Variants in CPHXL2 observed in about 807,000 individuals in gnomAD.
CPHXL2 encodes cytoplasmic polyadenylated homeobox like 2, also known as cytoplasmic polyadenylated homeobox-like protein 2.
chr16:75,675,583 G>C, the CPHXL2 span, among the ~76,000 whole-genome samples: 44 of 152,102 alleles, frequency 2.9e-4, 1 homozygote, highest in Non-Finnish European at 8.8e-5. Flanking sequence ...ATCAAACAGT[G>C]GTGAGCCACT....
chr16:75,663,742 C>A, the CPHXL2 span, among the ~76,000 whole-genome samples: 6 of 151,880 alleles, frequency 4.0e-5, no homozygotes, highest in Admixed American at 1.3e-4. Context: ...AAAAATTAGC[C>A]GGGCATGGTG....
chr16:75,661,205 T>C, the CPHXL2 span: 29 of 400,832 alleles, frequency 7.2e-5, 1 homozygote, highest in African/African-American at 5.1e-4. Flanking sequence ...ATATTCTTTG[T>C]CTTTCTTCCG....
chr16:75,671,128 A>G, the CPHXL2 span, among the ~76,000 whole-genome samples: 1 of 152,314 alleles, frequency 6.6e-6, no homozygotes, highest in South Asian at 2.1e-4. Context: ...CACGCCTATA[A>G]TCCCAGCATT....
the CPHXL2 span, among the ~76,000 whole-genome samples, chr16:75,671,013 C>T: frequency 1.3e-5 from 2 of 152,180 alleles, no homozygotes; most frequent in South Asian, 4.1e-4. Flanking sequence ...CCCCTTGATT[C>T]ACTCCCTCAC....
At chr16:75,676,674 T>C in the CPHXL2 span, among the ~76,000 whole-genome samples, 2 of 152,236 alleles carry the variant, frequency 1.3e-5, no homozygotes, top group African/African-American at 2.4e-5. Context: ...CTTTGTCTGA[T>C]CTAGAACCCA....
At chr16:75,676,083 A>G in the CPHXL2 span, among the ~76,000 whole-genome samples, 1 of 152,004 alleles carries the variant, frequency 6.6e-6, no homozygotes, top group Non-Finnish European at 1.5e-5. Context: ...CCGTCTCCAA[A>G]AAAAAAAAGA....
chr16:75,676,216 A>G, the CPHXL2 span, among the ~76,000 whole-genome samples: 1 of 152,224 alleles, frequency 6.6e-6, no homozygotes, highest in Non-Finnish European at 1.5e-5. Flanking sequence ...AGAAAGAGTG[A>G]CAAAGCTTCT....
the CPHXL2 span, among the ~76,000 whole-genome samples, chr16:75,663,885 C>CAAAA: frequency 1.9e-4 from 16 of 85,508 alleles, no homozygotes; most frequent in African/African-American, 6.5e-4. Flanking sequence ...GACTCTGTCT[C>CAAAA]AAAAAAAAAA....
At chr16:75,670,200 C>T in the CPHXL2 span, among the ~76,000 whole-genome samples, 133 of 152,316 alleles carry the variant, frequency 8.7e-4, no homozygotes, top group African/African-American at 3.0e-3. Context: ...AGGGGTGAGC[C>T]ACCGCGCCGG....
the CPHXL2 span, among the ~76,000 whole-genome samples, chr16:75,669,032 T>C: frequency 2.0e-5 from 3 of 152,118 alleles, no homozygotes; most frequent in African/African-American, 7.2e-5. Context: ...TTCTAGGAAA[T>C]GGCTGGAGAT....
chr16:75,674,987 G>T, the CPHXL2 span, among the ~76,000 whole-genome samples: 11 of 151,724 alleles, frequency 7.3e-5, no homozygotes, highest in South Asian at 6.3e-4. Flanking sequence ...TCAGGAGTTC[G>T]AGACCAGCCT....
At chr16:75,671,486 T>A in the CPHXL2 span, among the ~76,000 whole-genome samples, 2 of 152,154 alleles carry the variant, frequency 1.3e-5, no homozygotes, top group African/African-American at 4.8e-5. Flanking sequence ...ATAATTCACG[T>A]GTTGATGACA....
chr16:75,669,120 G>A, the CPHXL2 span, among the ~76,000 whole-genome samples: 1 of 152,072 alleles, frequency 6.6e-6, no homozygotes, highest in Admixed American at 6.6e-5. Flanking sequence ...TTCGACACCA[G>A]CCCGGGCAAC....
the CPHXL2 span, among the ~76,000 whole-genome samples, chr16:75,662,512 A>G: frequency 2.7e-4 from 41 of 152,040 alleles, no homozygotes; most frequent in African/African-American, 9.4e-4. Flanking sequence ...TCCTGAAGCT[A>G]CTAGGGTCTA....
the CPHXL2 span, among the ~76,000 whole-genome samples, chr16:75,670,891 C>G: frequency 6.6e-6 from 1 of 152,178 alleles, no homozygotes; most frequent in Non-Finnish European, 1.5e-5. Flanking sequence ...CCCCCTCACT[C>G]AGTGCCCCGC....
At chr16:75,662,048 G>C in the CPHXL2 span, among the ~76,000 whole-genome samples, 6 of 152,330 alleles carry the variant, frequency 3.9e-5, no homozygotes, top group South Asian at 8.3e-4. Flanking sequence ...GATGCCAGTT[G>C]CAAGTCTGGG....
chr16:75,670,233 A>G, the CPHXL2 span, among the ~76,000 whole-genome samples: 1 of 152,176 alleles, frequency 6.6e-6, no homozygotes, highest in East Asian at 1.9e-4. Flanking sequence ...CTTTAAAATT[A>G]GAACTAATTG....
At chr16:75,674,741 G>C in the CPHXL2 span, among the ~76,000 whole-genome samples, 1 of 151,804 alleles carries the variant, frequency 6.6e-6, no homozygotes, top group Non-Finnish European at 1.5e-5. Flanking sequence ...ACAGAGTCTC[G>C]CTCTGTCTCC....
the CPHXL2 span, among the ~76,000 whole-genome samples, chr16:75,665,024 T>C: frequency 6.6e-6 from 1 of 152,184 alleles, no homozygotes; most frequent in Non-Finnish European, 1.5e-5. Flanking sequence ...GAAAAGGCAC[T>C]AGGAGAGTCA....
Sources: allele counts gnomAD v4.1 joint callset (sites outside exome capture counted in the v4.1 genomes callset), GRCh38; gene constraint gnomAD v4.1.1; transcripts MANE v1.5; gene names NCBI Gene and HGNC (gene_info 2026-07-23, HGNC 2026-07-21).